DIS3L2: variants seen among roughly 807,000 people sequenced by gnomAD.
The protein encoded by DIS3L2 is DIS3 like 3'-5' exoribonuclease 2, also known as DIS3-like exonuclease 2.
In DIS3L2, 34 loss-of-function variants were observed where a neutral mutation model predicts 97.5. That is an observed-to-expected ratio of 0.35 (90% confidence interval 0.27 to 0.46). DIS3L2 has a LOEUF of 0.46. DIS3L2 is among the 20% of genes least tolerant of loss of function. The pLI is 1.00. For missense variants in DIS3L2, 1,038 were observed against 1,146.0 expected (o/e 0.91, Z 1.36); for synonymous variants, 435 against 445.2 (o/e 0.98, Z 0.29).
chr2:232,266,895 C>G (rs1021731708), intron 13 of DIS3L2, among the ~76,000 whole-genome samples: 2 of 152,172 alleles, frequency 1.3e-5, no homozygotes, highest in Non-Finnish European at 2.9e-5. Flanking sequence ...ACATCATGCC[C>G]TTAGGTTCAG....
chr2:232,255,746 C>T (rs892728642), intron 12 of DIS3L2, among the ~76,000 whole-genome samples: 1 of 152,162 alleles, frequency 6.6e-6, no homozygotes, highest in Non-Finnish European at 1.5e-5. Flanking sequence ...TCTCCTGTGA[C>T]ATCCCTGCTG....
chr2:232,156,221 G>A (rs1038825575), intron 8 of DIS3L2, among the ~76,000 whole-genome samples: 1 of 151,998 alleles, frequency 6.6e-6, no homozygotes, highest in African/African-American at 2.4e-5. Context: ...TCTTCATTAG[G>A]TATTTCCAGT....
chr2:232,226,758 G>C (rs1692660751), intron 10 of DIS3L2, among the ~76,000 whole-genome samples: 1 of 152,158 alleles, frequency 6.6e-6, no homozygotes, highest in Non-Finnish European at 1.5e-5. Flanking sequence ...GATTGCTTGA[G>C]CCTAGGAGTT....
intron 5 of DIS3L2, among the ~76,000 whole-genome samples, chr2:232,086,978 G>T (rs1696678182): frequency 6.6e-6 from 1 of 151,902 alleles, no homozygotes; most frequent in Non-Finnish European, 1.5e-5. Flanking sequence ...ACCGCGCCTG[G>T]CCAATAAAGC....
intron 5 of DIS3L2, among the ~76,000 whole-genome samples, chr2:232,079,173 TC>T (rs1696307481): frequency 1.3e-5 from 2 of 152,204 alleles, no homozygotes; most frequent in South Asian, 4.1e-4. Context: ...TAAATGCTGC[TC>T]TCAACTCAGA....
chr2:231,977,740 G>A (rs1459210556), intron 1 of DIS3L2, among the ~76,000 whole-genome samples: 1 of 152,224 alleles, frequency 6.6e-6, no homozygotes, highest in Admixed American at 6.5e-5. Context: ...TATCTCAAAG[G>A]AATTGAAAGC....
chr2:232,302,113 A>C (rs1406524868), intron 14 of DIS3L2, among the ~76,000 whole-genome samples: 2 of 151,758 alleles, frequency 1.3e-5, no homozygotes, highest in African/African-American at 4.8e-5. Context: ...CTTGTGTAGG[A>C]AATCAGATAG....
At chr2:231,984,487 C>T (rs940069517) in intron 1 of DIS3L2, among the ~76,000 whole-genome samples, 15 of 150,462 alleles carry the variant, frequency 1.0e-4, no homozygotes, top group Admixed American at 8.6e-4. Flanking sequence ...CCCGGGTTCA[C>T]GCCATTCTCC....
rs903719070 is a variant in DIS3L2, at chr2:232,159,847, T to G, written c.951-3612T>G. Among the ~76,000 whole-genome samples, 74 of 152,228 alleles carry G rather than the reference T, an allele frequency of 4.9e-4. 4 individuals are homozygous for G. The highest frequency in any genetic ancestry group is 1.0e-4 in the Non-Finnish European group (7 of 68,044). ...AAGTGAATGTTGAAATTTTGTCAAA[T>G]GCTTTTTCTTCATTTACTGAGATGA... On this transcript the variant is annotated intron_variant, in intron 8 of 20. Transcript: ENST00000325385.
At chr2:232,333,739 C>G (rs1466069367) in intron 16 of DIS3L2, 101 bp from the exon 17 acceptor site, 1 of 1,471,036 alleles carries the variant, frequency 6.8e-7, no homozygotes, top group Non-Finnish European at 9.0e-7. Flanking sequence ...TAGGTCTGTC[C>G]ACACATCGCT....
Position 232,336,953 on chromosome 2 carries a change from GAATAA to G in DIS3L2, c.*327_*331del, listed in dbSNP as rs1695978235. 8.5e-7 allele frequency: 1 copy of G among 1,179,568 alleles called. No homozygotes were observed. Among genetic ancestry groups the G allele is most frequent in the African/African-American group, 1.6e-5 (1 of 61,790 alleles). The allele number at this position is 1,179,568 out of a possible 1,614,324, so 73.1% of individuals were successfully genotyped here. ...GGGGTTTCAGCAACTCAGTGTCACA[GAATAA>G]AATCAAGTGTGGAGTGCCATCTGGT... On this transcript the variant is annotated 3_prime_UTR_variant, in exon 21 of 21. Coordinates refer to ENST00000325385, the MANE Select transcript of DIS3L2 (RefSeq NM_152383.5).
chr2:232,275,074 T>G (rs1042741409), intron 13 of DIS3L2, among the ~76,000 whole-genome samples: 1 of 152,076 alleles, frequency 6.6e-6, no homozygotes, highest in Non-Finnish European at 1.5e-5. Context: ...CCCTCCTGCC[T>G]TGCCTCTGTA....
chr2:232,156,087 G>T (rs1387598568), intron 8 of DIS3L2, among the ~76,000 whole-genome samples: 1 of 151,784 alleles, frequency 6.6e-6, no homozygotes, highest in Non-Finnish European at 1.5e-5. Context: ...GAACTCCTTG[G>T]TCTGCCTTTC....
intron 9 of DIS3L2, among the ~76,000 whole-genome samples, chr2:232,183,267 C>G (rs1691341670): frequency 6.6e-6 from 1 of 152,220 alleles, no homozygotes; most frequent in Non-Finnish European, 1.5e-5. Flanking sequence ...GTTATAGCAA[C>G]TCAAACAAAC....
Position 232,292,100 on chromosome 2 carries a change from A to G in DIS3L2, c.1660-7940A>G, listed in dbSNP as rs1694615271. 6.6e-6 allele frequency among the ~76,000 whole-genome samples: 1 copy of G among 152,136 alleles called. No homozygotes were observed. The highest frequency in any genetic ancestry group is 6.5e-5 in the Admixed American group (1 of 15,288). ...GGACCCCTGGCATGCTTGCCTAGCC[A>G]CACTTTCCTGTCTTGTCTCGTCACG... On this transcript the variant is annotated intron_variant, in intron 13 of 20. Transcript: ENST00000325385. This position sits in a 1 kb window ranked among gnomAD's most constrained non-coding sequence, Gnocchi z 4.4.
At chr2:232,210,659 G>A (rs549733339) in intron 10 of DIS3L2, among the ~76,000 whole-genome samples, 3 of 152,376 alleles carry the variant, frequency 2.0e-5, no homozygotes, top group Admixed American at 2.0e-4. Flanking sequence ...AGGGGCAACA[G>A]TGAGTGCTAA....
intron 14 of DIS3L2, among the ~76,000 whole-genome samples, chr2:232,311,547 C>T (rs772664003): frequency 2.6e-5 from 4 of 151,960 alleles, no homozygotes; most frequent in African/African-American, 4.8e-5. Flanking sequence ...GGCAGTGTAA[C>T]GACAATTAAC....
At chr2:232,043,385 GA>G (rs1398733547) in intron 5 of DIS3L2, among the ~76,000 whole-genome samples, 1 of 152,116 alleles carries the variant, frequency 6.6e-6, no homozygotes, top group Non-Finnish European at 1.5e-5. Context: ...ACCACAAGAG[GA>G]CCAGGAAGTG....
chr2:232,309,405 G>T (rs570846449), intron 14 of DIS3L2, among the ~76,000 whole-genome samples: 1 of 152,354 alleles, frequency 6.6e-6, no homozygotes, highest in East Asian at 1.9e-4. Flanking sequence ...GTAGCGGAAG[G>T]CAGAGAGAGC....
Sources: gnomAD v4.1 joint callset for allele counts (sites outside exome capture counted in the v4.1 genomes callset) on GRCh38, gnomAD v4.1.1 for gene constraint, Gnocchi (gnomAD v3.1) non-coding constraint, MANE v1.5 for transcripts, NCBI Gene and HGNC (gene_info 2026-07-23, HGNC 2026-07-21) for gene names.